Variants in RAD51D observed in about 807,000 individuals in gnomAD.
RAD51D encodes DNA repair protein RAD51 homolog 4.
RAD51D carries 38 observed loss-of-function variants against 44.1 expected under a neutral mutation model. The ratio of observed to expected loss-of-function variants is 0.86; its 90% CI spans 0.67 to 1.13. RAD51D has a LOEUF of 1.13. Ranked by LOEUF, RAD51D falls within the 50% of genes most tolerant of loss-of-function variation. The pLI is 0.00. For missense variants in RAD51D, 390 were observed against 414.0 expected (o/e 0.94, Z 0.50); for synonymous variants, 141 against 166.6 (o/e 0.85, Z 1.18).
rs550712210 is a variant in RAD51D at position 35,105,864 on chromosome 17, A to C, written c.576+522T>G. Among the ~76,000 whole-genome samples the C allele has an allele frequency of 2.6e-5, 4 of 152,180 alleles. No individual in the cohort carries two copies. In the South Asian group the frequency reaches 8.3e-4, roughly 32 times the overall value. ...GAGAAAGATTCTTCATCCCTGATAA[A>C]AGGGAGGAGGTACAGAAAAGAACCA... On this transcript the variant is annotated intron_variant, in intron 6 of 9. Coordinates refer to ENST00000345365, the MANE Select transcript of RAD51D (RefSeq NM_002878.4).
At chr17:35,112,501 C>T (rs937125443) in intron 3 of RAD51D, among the ~76,000 whole-genome samples, 10 of 152,166 alleles carry the variant, frequency 6.6e-5, no homozygotes, top group African/African-American at 2.4e-4. Context: ...TCTCAGCCTC[C>T]CAAGTGGCTG....
In RAD51D at chr17:35,119,805, GC is replaced by G; in HGVS notation, c.-193del. 5.6e-6 allele frequency: 4 copies of G among 708,896 alleles called. No homozygotes were observed. In the South Asian group the frequency reaches 6.0e-5, roughly 11 times the overall value. The allele number at this position is 708,896 out of a possible 1,614,324, so 43.9% of individuals were successfully genotyped here. On this transcript the variant is annotated 5_prime_UTR_variant, in exon 1 of 10. Transcript: ENST00000345365. Reference sequence around the variant, plus strand: ...GGGGTCATCCGCCCGCCCGGGATCCGCCGGGATTCCCGCGCCCAGAGCCCGC... The same window carrying G: ...GGGGTCATCCGCCCGCCCGGGATCCGCGGGATTCCCGCGCCCAGAGCCCGC...
In RAD51D at chr17:35,100,815, A is replaced by G. The variant is rs919122737; in HGVS notation, c.*138T>C. 6.6e-6 allele frequency: 5 copies of G among 760,492 alleles called. No individual in the cohort carries two copies. The highest frequency in any genetic ancestry group is 1.2e-5 in the Non-Finnish European group (5 of 425,320). 47.1% of individuals were successfully genotyped at this position (760,492 alleles called of 1,614,324 possible). On this transcript the variant is annotated 3_prime_UTR_variant, in exon 10 of 10. Transcript: ENST00000345365. ...TGCTTACAGAGAGTGAGGCCAAGGA[A>G]CCCAAGATGTCTCTTCTGGCCAGCC...
In RAD51D at chr17:35,101,006, C is replaced by T. The variant is rs2142409102; in HGVS notation, c.934G>A (p.Gly312Arg). ...CTCTGCTCTGAGGTCCCCCAGGTCCCAATGTCTACCATCTCCTGGAAACCT... is the reference window on the plus strand; with the variant it reads ...CTCTGCTCTGAGGTCCCCCAGGTCCTAATGTCTACCATCTCCTGGAAACCT... ...PTGFQEMVDI[G>R]TWGTSEQSAT... The change falls in exon 10 of 10, where the codon GGG becomes AGG. Residue 312 changes from glycine (G) to arginine (R), a missense_variant. Gly to Arg is a moderately radical substitution (Grantham distance 125). Transcript: ENST00000345365. 1.9e-6 allele frequency: 3 copies of T among 1,613,876 alleles called. No homozygotes were observed. The South Asian group carries it at 3.3e-5, about 18-fold the overall frequency.
chr17:35,111,625 G>A (rs1021764801), intron 3 of RAD51D, among the ~76,000 whole-genome samples: 1 of 152,012 alleles, frequency 6.6e-6, no homozygotes, highest in Non-Finnish European at 1.5e-5. Flanking sequence ...TATCTATTCT[G>A]TTCCACTGAT....
chr17:35,117,164 C>A lies in RAD51D; in HGVS notation c.263+1337G>T, dbSNP rs2091760486. Reference sequence around the variant, plus strand: ...TCACTTGATTTTCCCCTACACCCAACTAGAGGCCTTAAGGGCAGGGGCCTT... The same window carrying A: ...TCACTTGATTTTCCCCTACACCCAAATAGAGGCCTTAAGGGCAGGGGCCTT... On this transcript the variant is annotated intron_variant, in intron 3 of 9. Transcript: ENST00000345365. 8 of 1,046,896 alleles carry A rather than the reference C, an allele frequency of 7.6e-6. No individual in the cohort carries two copies. In the South Asian group the frequency reaches 9.5e-5, roughly 12 times the overall value. 64.9% of individuals were successfully genotyped at this position (1,046,896 alleles called of 1,614,324 possible). A position where few individuals can be genotyped will look rare whatever the true frequency, so the allele number is the denominator to read the frequency against.
chr17:35,113,465 C>T (rs765966451), intron 3 of RAD51D: 17 of 293,808 alleles, frequency 5.8e-5, no homozygotes, highest in African/African-American at 3.2e-4. Flanking sequence ...GATGGGGTTT[C>T]GCCATGTTGG....
rs1217210588 is a variant in RAD51D, at chr17:35,100,534, A to G, written c.*419T>C. 1.9e-6 allele frequency: 1 copy of G among 540,378 alleles called. No homozygotes were observed. Among genetic ancestry groups the G allele is most frequent in the South Asian group, 1.5e-5 (1 of 65,226 alleles). 33.5% of individuals were successfully genotyped at this position (540,378 alleles called of 1,614,324 possible). A position where few individuals can be genotyped will look rare whatever the true frequency, so the allele number is the denominator to read the frequency against. On this transcript the variant is annotated 3_prime_UTR_variant, in exon 10 of 10. Transcript: ENST00000345365. ...ATGGAAAGGCAGAGACAAAAGAAAA[A>G]AAAGGCAGCAGCAGCAAAGGCAAGT...
At chr17:35,119,313 C>A (rs1022060591) in intron 1 of RAD51D, 141 bp from the exon 2 acceptor site, 4 of 934,668 alleles carry the variant, frequency 4.3e-6, no homozygotes, top group Non-Finnish European at 5.1e-6. Context: ...AACAAAGCTG[C>A]AGGAGCCGGC....
intron 5 of RAD51D, among the ~76,000 whole-genome samples, chr17:35,106,768 T>A (rs777070539): frequency 6.6e-6 from 1 of 152,144 alleles, no homozygotes; most frequent in Non-Finnish European, 1.5e-5. Context: ...GTTTAGGGCA[T>A]GCAAAGAGTT....
Position 35,106,989 on chromosome 17 carries a change from T to C in RAD51D, c.479A>G (p.Gln160Arg), listed in dbSNP as rs2142432043. The change falls in exon 5 of 10, where the codon CAG becomes CGG. Residue 160 changes from glutamine to arginine, a missense_variant and splice_region_variant. Coordinates refer to ENST00000345365, the MANE Select transcript of RAD51D (RefSeq NM_002878.4). Reference protein sequence around the residue: ...LQAKTQDEEEQAEALRRIQVV... With the variant: ...LQAKTQDEEERAEALRRIQVV... ...TGGAACCCAGCATCCTGCCCTTACCTGTTCCTCCTCATCCTGGGTTTTAGC... is the reference window on the plus strand; with the variant it reads ...TGGAACCCAGCATCCTGCCCTTACCCGTTCCTCCTCATCCTGGGTTTTAGC... The C allele has an allele frequency of 6.2e-7, 1 of 1,614,226 alleles. No homozygotes were observed. The highest frequency in any genetic ancestry group is 8.5e-7 in the Non-Finnish European group (1 of 1,180,038).
At position 35,106,957 on chromosome 17, in the gene RAD51D, A is replaced by G. The variant is rs774945958; in HGVS notation, c.480+31T>C. The stretch of plus-strand genomic sequence containing the variant: ...GATAATGGGGTTTTCCTGTGTCAGA[A>G]TCTCAATGGAACCCAGCATCCTGCC... On this transcript the variant is annotated intron_variant, in intron 5 of 9. Transcript: ENST00000345365. The G allele has an allele frequency of 4.3e-6, 7 of 1,614,176 alleles. No individual in the cohort carries two copies. In the South Asian group the frequency reaches 7.7e-5, roughly 18 times the overall value.
intron 3 of RAD51D, among the ~76,000 whole-genome samples, chr17:35,112,648 G>T (rs1288319524): frequency 6.6e-6 from 1 of 152,206 alleles, no homozygotes; most frequent in African/African-American, 2.4e-5. Context: ...AAAGTGCTGG[G>T]ATTACAGGCA....
At position 35,119,761 on chromosome 17, in the gene RAD51D, G is replaced by A. The variant is rs1429188236; in HGVS notation, c.-148C>T. ...GAGGAGAAAGGAGAGAGGAGGAGGC[G>A]GCACCAAGGGTAGGGCTGGGGGTCA... On this transcript the variant is annotated 5_prime_UTR_variant, in exon 1 of 10. Coordinates refer to ENST00000345365, the MANE Select transcript of RAD51D (RefSeq NM_002878.4). 3.7e-6 allele frequency: 3 copies of A among 805,018 alleles called. No individual in the cohort carries two copies. Among genetic ancestry groups the A allele is most frequent in the African/African-American group, 1.7e-5 (1 of 58,942 alleles). 49.9% of individuals were successfully genotyped at this position (805,018 alleles called of 1,614,324 possible). A position where few individuals can be genotyped will look rare whatever the true frequency, so the allele number is the denominator to read the frequency against.
At position 35,097,252 on chromosome 17, in the gene RAD51D, T is replaced by A. The variant is rs2091492458; in HGVS notation, c.*3701A>T. The stretch of plus-strand genomic sequence containing the variant: ...CTCATGCCTCAGCCTCCCAAGTAGC[T>A]GGGATTACAGATGCGAGCCATCACA... On this transcript the variant is annotated 3_prime_UTR_variant, in exon 10 of 10. Coordinates refer to ENST00000345365, the MANE Select transcript of RAD51D (RefSeq NM_002878.4). The A allele has an allele frequency of 6.6e-6, 1 of 152,158 alleles. No individual in the cohort carries two copies. Among genetic ancestry groups the A allele is most frequent in the Middle Eastern group, 3.2e-3 (1 of 316 alleles). The allele number at this position is 152,158 out of a possible 1,614,324, so 9.4% of individuals were successfully genotyped here.
In RAD51D at chr17:35,096,585, C is replaced by G. The variant is rs1326595329; in HGVS notation, c.*4368G>C. 1.3e-5 allele frequency: 2 copies of G among 152,342 alleles called. No individual in the cohort carries two copies. The highest frequency in any genetic ancestry group is 3.9e-4 in the East Asian group (2 of 5,192). 9.4% of individuals were successfully genotyped at this position (152,342 alleles called of 1,614,324 possible). On this transcript the variant is annotated 3_prime_UTR_variant, in exon 10 of 10. Transcript: ENST00000345365. ...AGAGATAATAAGTGTCCCTGCCAGG[C>G]ATGGTGGCTCATGACTGTAATCCCT...
rs149085108 is a variant in RAD51D at position 35,096,345 on chromosome 17, T to G, written c.*4608A>C. On this transcript the variant is annotated 3_prime_UTR_variant, in exon 10 of 10. Coordinates refer to ENST00000345365, the MANE Select transcript of RAD51D (RefSeq NM_002878.4). ...CCACAGTTCCTGGCATGTTAACACC[T>G]TGTTCTTTAAAGGACACACAGGAGG... 3 of 152,286 alleles carry G rather than the reference T, an allele frequency of 2.0e-5. No individual in the cohort carries two copies. The East Asian group carries it at 5.8e-4, about 29-fold the overall frequency. 9.4% of individuals were successfully genotyped at this position (152,286 alleles called of 1,614,324 possible). A position where few individuals can be genotyped will look rare whatever the true frequency, so the allele number is the denominator to read the frequency against.
At chr17:35,115,607 C>T (rs187736591) in intron 3 of RAD51D, among the ~76,000 whole-genome samples, 66 of 152,204 alleles carry the variant, frequency 4.3e-4, no homozygotes, top group Middle Eastern at 3.4e-3. Flanking sequence ...TGGTAGCTCA[C>T]GCCTGTAATC....
chr17:35,110,144 T>C (rs572599777), intron 3 of RAD51D, among the ~76,000 whole-genome samples: 8 of 152,176 alleles, frequency 5.3e-5, no homozygotes, highest in Non-Finnish European at 1.2e-4. Context: ...CTAATTTTTG[T>C]ATTTTTTTGG....
Sources: allele counts gnomAD v4.1 joint callset (sites outside exome capture counted in the v4.1 genomes callset), GRCh38; gene constraint gnomAD v4.1.1; transcripts MANE v1.5; gene names NCBI Gene and HGNC (gene_info 2026-07-23, HGNC 2026-07-21).